COL12A1: variants seen among roughly 807,000 people sequenced by gnomAD.
COL12A1 encodes collagen type XII alpha 1 chain.
In COL12A1, 114 loss-of-function variants were observed where a neutral mutation model predicts 349.7. The observed-to-expected ratio is 0.33, with a 90% confidence interval of 0.28 to 0.38. COL12A1 has a LOEUF of 0.38. Ranked by LOEUF, COL12A1 falls within the 10% of genes least tolerant of loss-of-function variation. The pLI is 1.00. For missense variants in COL12A1, 3,284 were observed against 3,756.9 expected (o/e 0.87, Z 3.29); for synonymous variants, 1,369 against 1,329.0 (o/e 1.03, Z -0.66).
In COL12A1 at chr6:75,113,209, G is replaced by T. The variant is rs1471964256; in HGVS notation, c.7945C>A (p.His2649Asn). 1.3e-6 allele frequency: 2 copies of T among 1,523,006 alleles called. No individual in the cohort carries two copies. The highest frequency in any genetic ancestry group is 8.8e-7 in the Non-Finnish European group (1 of 1,130,528). The allele number at this position is 1,523,006 out of a possible 1,614,324, so 94.3% of individuals were successfully genotyped here. Residue 2649 changes from histidine to asparagine, a missense_variant, in exon 51 of 66, where the codon CAC becomes AAC. By Grantham distance (68) the His-to-Asn change is moderately conservative (BLOSUM62 1). This residue lies in a region of COL12A1 where 683 missense variants were observed against 932.1 expected (regional missense o/e 0.73). Transcript: ENST00000322507. The stretch of plus-strand genomic sequence containing the variant: ...AAATAATCTTATGTTTTTACCTTGT[G>T]AAAACTTCCATAAAATAATGTCTTT... ...EVKTLFYGSF[H>N]KVHIVVTSKS...
chr6:75,184,274 A>C (rs1582199190), intron 8 of COL12A1, 130 bp from the exon 9 acceptor site: 2 of 1,005,982 alleles, frequency 2.0e-6, no homozygotes, highest in Admixed American at 5.6e-5. Context: ...GTTGCCCAAT[A>C]CCCGCCTCAG....
chr6:75,095,879 A>G (rs755040372), intron 59 of COL12A1, among the ~76,000 whole-genome samples: 1 of 152,152 alleles, frequency 6.6e-6, no homozygotes, highest in African/African-American at 2.4e-5. Flanking sequence ...TTCAAAACAC[A>G]GAGGTTGAAA....
Position 75,133,644 on chromosome 6 carries a change from G to A in COL12A1, c.5664+214C>T, listed in dbSNP as rs240727. 0.87 allele frequency among the ~76,000 whole-genome samples: 133,043 copies of A among 152,090 alleles called. 58,243 individuals are homozygous for A. Among genetic ancestry groups the A allele is most frequent in the Admixed American group, 0.9 (13,728 of 15,282 alleles). On this transcript the variant is annotated intron_variant, in intron 33 of 65. Coordinates refer to ENST00000322507, the MANE Select transcript of COL12A1 (RefSeq NM_004370.6). ...CCACTTAGAACTTCCCAGAACGGCCGCTTCTTCCCCTGGCCAGGGGGAAGA... is the reference window on the plus strand; with the variant it reads ...CCACTTAGAACTTCCCAGAACGGCCACTTCTTCCCCTGGCCAGGGGGAAGA...
intron 14 of COL12A1, among the ~76,000 whole-genome samples, chr6:75,157,529 G>T (rs1158204977): frequency 1.3e-5 from 2 of 152,010 alleles, no homozygotes; most frequent in Non-Finnish European, 1.5e-5. Context: ...GAGAGATAAG[G>T]AACAAAGGGG....
chr6:75,193,562 T>C (rs1165953738), intron 3 of COL12A1, among the ~76,000 whole-genome samples: 2 of 152,122 alleles, frequency 1.3e-5, no homozygotes, highest in African/African-American at 4.8e-5. Context: ...AAGTAGTTAT[T>C]TTCTTTCTTT....
Position 75,189,560 on chromosome 6 carries a change from G to C in COL12A1, c.650C>G (p.Thr217Arg). The change falls in exon 6 of 66, where the codon ACA (threonine) becomes AGA (arginine). Residue 217 changes from threonine to arginine, a missense_variant. Around this residue, in one of 2 missense-constraint regions of COL12A1, gnomAD observed 2,601 missense variants for 2,824.8 expected, o/e 0.92. Coordinates refer to ENST00000322507, the MANE Select transcript of COL12A1 (RefSeq NM_004370.6). ...AAATCTGTAGAACATACCTGTCATT[G>C]TGTTGCCACCTTTATATGGAATTTT... ...IKKIPYKGGNTMTGDAIDYLV... is the reference protein window; with the variant it reads ...IKKIPYKGGNRMTGDAIDYLV... The C allele has an allele frequency of 6.2e-7, 1 of 1,612,014 alleles. No homozygotes were observed. Among genetic ancestry groups the C allele is most frequent in the South Asian group, 1.1e-5 (1 of 90,866 alleles).
chr6:75,186,195 A>G (rs1181009724), intron 8 of COL12A1, among the ~76,000 whole-genome samples: 1 of 152,234 alleles, frequency 6.6e-6, no homozygotes, highest in Non-Finnish European at 1.5e-5. Context: ...ACAAAATGGG[A>G]GAAAATTTTT....
rs1399380155 is a variant in COL12A1 at position 75,145,475 on chromosome 6, G to C, written c.4561-20C>G. 2.5e-6 allele frequency: 4 copies of C among 1,607,064 alleles called. No homozygotes were observed. The highest frequency in any genetic ancestry group is 2.6e-6 in the Non-Finnish European group (3 of 1,175,556). On this transcript the variant is annotated intron_variant, in intron 24 of 65. Coordinates refer to ENST00000322507, the MANE Select transcript of COL12A1 (RefSeq NM_004370.6). ...ACGCACCTGCACATGGATATGTGGA[G>C]CAGAAATAAGATATTCAAATCAAAC...
intron 16 of COL12A1, among the ~76,000 whole-genome samples, chr6:75,155,016 T>TATTCATTCA: frequency 1.3e-5 from 2 of 152,324 alleles, no homozygotes; most frequent in East Asian, 3.9e-4. Flanking sequence ...CAAGCATTTA[T>TATTCATTCA]ATAGATTTCA....
At chr6:75,167,576 T>C (rs1489875083) in intron 13 of COL12A1, among the ~76,000 whole-genome samples, 1 of 152,200 alleles carries the variant, frequency 6.6e-6, no homozygotes, top group Non-Finnish European at 1.5e-5. Flanking sequence ...TATTTTTCTT[T>C]CTACAGCACT....
chr6:75,151,343 A>T, intron 20 of COL12A1, 56 bp from the exon 21 acceptor site: 1 of 1,506,540 alleles, frequency 6.6e-7, no homozygotes, highest in Non-Finnish European at 9.1e-7. Context: ...AATTAATGGA[A>T]TGAAGCAAAT....
chr6:75,172,064 A>T (rs1239990083), intron 13 of COL12A1, among the ~76,000 whole-genome samples: 2 of 152,210 alleles, frequency 1.3e-5, no homozygotes, highest in Non-Finnish European at 1.5e-5. Context: ...GAAATAGAAA[A>T]CAATAGCTTT....
rs1770598850 is a variant in COL12A1, at chr6:75,202,786, T to A, written c.7A>T (p.Ser3Cys). The stretch of plus-strand genomic sequence containing the variant: ...GCGGCAAGCGCTGGGGGAAGCCTAC[T>A]CCGCATCCTTGGCCTCCGAGCTTAC... MR[S>C]RLPPALAALG... Residue 3 changes from serine (S) to cysteine (C), a missense_variant, in exon 2 of 66, where the codon AGT becomes TGT. Physicochemically the swap from Ser to Cys is moderately radical, Grantham distance 112 (BLOSUM62 -1). Around this residue, in one of 2 missense-constraint regions of COL12A1, gnomAD observed 2,601 missense variants for 2,824.8 expected, o/e 0.92. Transcript: ENST00000322507. 8 of 1,551,794 alleles carry A rather than the reference T, an allele frequency of 5.2e-6. No homozygotes were observed. Among genetic ancestry groups the A allele is most frequent in the Non-Finnish European group, 7.0e-6 (8 of 1,146,978 alleles).
rs199505163 is a variant in COL12A1, at chr6:75,097,288, C to T, written c.8542G>A (p.Gly2848Ser). The change falls in exon 59 of 66, where the codon GGT becomes AGT. Residue 2848 changes from glycine (G) to serine (S), a missense_variant. Physicochemically the swap from Gly to Ser is moderately conservative, Grantham distance 56 (BLOSUM62 0). Around this residue, in one of 2 missense-constraint regions of COL12A1, gnomAD observed 683 missense variants for 932.1 expected, o/e 0.73. Coordinates refer to ENST00000322507, the MANE Select transcript of COL12A1 (RefSeq NM_004370.6). ...GGTGGGCCCCTGGGTCCCATTGCAC[C>T]GTCTTTTCCAGTGAAGCCCTATTGT... ...PGDRGFTGKD[G>S]AMGPRGPPGP... 2 of 1,613,680 alleles carry T rather than the reference C, an allele frequency of 1.2e-6. No homozygotes were observed. The highest frequency in any genetic ancestry group is 1.7e-6 in the Non-Finnish European group (2 of 1,179,744).
chr6:75,108,786 T>A (rs1384316560), intron 52 of COL12A1, among the ~76,000 whole-genome samples: 1 of 152,236 alleles, frequency 6.6e-6, no homozygotes, highest in Non-Finnish European at 1.5e-5. Context: ...TGGTGTTCCC[T>A]GGTGCCTTGA....
intron 52 of COL12A1, among the ~76,000 whole-genome samples, chr6:75,106,956 C>T (rs1223065802): frequency 8.2e-6 from 1 of 121,240 alleles, no homozygotes; most frequent in East Asian, 2.7e-4. Context: ...GGTAGGAGTA[C>T]AGTGGTGGGA....
At chr6:75,125,398 T>C in intron 39 of COL12A1, 125 bp from the exon 40 acceptor site, 1 of 810,416 alleles carries the variant, frequency 1.2e-6, no homozygotes, top group Non-Finnish European at 1.8e-6. Flanking sequence ...CCTCATACAC[T>C]TACTCACTGG....
intron 42 of COL12A1, 126 bp from the exon 43 acceptor site, chr6:75,123,530 T>A: frequency 2.6e-6 from 2 of 769,592 alleles, no homozygotes; most frequent in Non-Finnish European, 4.2e-6. Context: ...GACACCATTG[T>A]CATCGGTACT....
intron 58 of COL12A1, among the ~76,000 whole-genome samples, chr6:75,099,153 A>C (rs186879334): frequency 2.6e-5 from 4 of 152,184 alleles, no homozygotes; most frequent in Admixed American, 2.6e-4. Context: ...TTATTAGTAC[A>C]TTGACTTTAC....
Sources: gnomAD v4.1 joint callset for allele counts (sites outside exome capture counted in the v4.1 genomes callset) on GRCh38, gnomAD v4.1.1 for gene constraint, gnomAD v4.1.1 regional missense constraint, MANE v1.5 for transcripts, NCBI Gene and HGNC (gene_info 2026-07-23, HGNC 2026-07-21) for gene names.